TCF12: variants seen among roughly 807,000 people sequenced by gnomAD.
TCF12 encodes the protein DNA-binding protein HTF4.
In TCF12, 45 loss-of-function variants were observed where a neutral mutation model predicts 86.0. That is an observed-to-expected ratio of 0.52 (90% CI 0.41 to 0.67). The LOEUF is 0.67. TCF12 is among the 30% of genes least tolerant of loss of function. The pLI is 0.00. For missense variants in TCF12, 881 were observed against 859.9 expected, an observed-to-expected ratio of 1.02 and a Z score of -0.31; for synonymous variants, 330 against 299.6, an observed-to-expected ratio of 1.10 and a Z score of -1.05.
chr15:56,958,540 C>T (rs898710318), intron 3 of TCF12, among the ~76,000 whole-genome samples: 2 of 151,916 alleles, frequency 1.3e-5, no homozygotes, highest in East Asian at 1.9e-4. Flanking sequence ...GCTTAAAAGC[C>T]GCATGTATCT....
intron 5 of TCF12, 105 bp from the exon 6 acceptor site, chr15:57,166,297 T>C: frequency 1.1e-6 from 1 of 911,504 alleles, no homozygotes; most frequent in Admixed American, 2.5e-5. Flanking sequence ...TAATTTGTTC[T>C]TTCTATTTTA....
chr15:57,277,939 C>G (rs1436311428), intron 19 of TCF12, among the ~76,000 whole-genome samples: 9 of 148,044 alleles, frequency 6.1e-5, no homozygotes, highest in Non-Finnish European at 1.2e-4. Context: ...GAACCTGTCT[C>G]AAAGAAAAAA....
intron 3 of TCF12, among the ~76,000 whole-genome samples, chr15:57,024,297 A>G (rs2065689380): frequency 7.1e-6 from 1 of 139,890 alleles, no homozygotes; most frequent in African/African-American, 2.6e-5. Flanking sequence ...ATCTCGGCTC[A>G]CTGCAGCTTC....
intron 5 of TCF12, among the ~76,000 whole-genome samples, chr15:57,093,021 C>T (rs113456692): frequency 2.6e-5 from 4 of 152,212 alleles, no homozygotes; most frequent in African/African-American, 9.6e-5. Context: ...TTGCCGAAGG[C>T]GGTTGACAGT....
intron 5 of TCF12, among the ~76,000 whole-genome samples, chr15:57,108,731 CTAA>C (rs1398789492): frequency 1.3e-5 from 2 of 151,938 alleles, no homozygotes; most frequent in Non-Finnish European, 2.9e-5. Context: ...TGTCAGTGAG[CTAA>C]TTCATAACTT....
At chr15:57,024,972 A>T (rs1199402430) in intron 3 of TCF12, among the ~76,000 whole-genome samples, 2 of 152,174 alleles carry the variant, frequency 1.3e-5, no homozygotes, top group African/African-American at 2.4e-5. Context: ...TATTCATTGT[A>T]TTTTTAATCT....
At chr15:57,153,165 C>T (rs1484204941) in intron 5 of TCF12, among the ~76,000 whole-genome samples, 5 of 152,172 alleles carry the variant, frequency 3.3e-5, no homozygotes, top group African/African-American at 1.2e-4. Context: ...TCCCAGCAGA[C>T]TACAATAACT....
chr15:57,267,027 TA>T (rs1364374549), intron 18 of TCF12, among the ~76,000 whole-genome samples: 3 of 152,166 alleles, frequency 2.0e-5, no homozygotes, highest in Admixed American at 1.3e-4. Flanking sequence ...ATGCTGTCTC[TA>T]AAAAAAGACT....
At chr15:57,006,186 A>G (rs2435904) in intron 3 of TCF12, among the ~76,000 whole-genome samples, 1,901 of 152,330 alleles carry the variant, frequency 0.012, 41 homozygotes, top group African/African-American at 0.044. Context: ...ATTAAAAGGA[A>G]CCAGTGATGT....
At chr15:56,991,972 A>G (rs955928916) in intron 3 of TCF12, among the ~76,000 whole-genome samples, 1 of 152,022 alleles carries the variant, frequency 6.6e-6, no homozygotes, top group Non-Finnish European at 1.5e-5. Context: ...TTGATCTCCT[A>G]TGCCAGGCAC....
intron 4 of TCF12, among the ~76,000 whole-genome samples, chr15:57,078,433 A>C (rs1440180691): frequency 6.6e-6 from 1 of 152,108 alleles, no homozygotes; most frequent in African/African-American, 2.4e-5. Context: ...CCTCATGAAA[A>C]GGTTATTCAG....
Position 57,240,879 on chromosome 15 carries a change from CAAAAAAA to C in TCF12, c.1036-2577_1036-2571del, listed in dbSNP as rs68154303. On this transcript the variant is annotated intron_variant, in intron 12 of 20. Transcript: ENST00000333725. Reference sequence around the variant, plus strand: ...TGGGTGACAGAGCAAGACCCTGTCTCAAAAAAAAAAAAAAAAAAAAAAGAAAGGGAAA... The same window carrying C: ...TGGGTGACAGAGCAAGACCCTGTCTCAAAAAAAAAAAAAAAGAAAGGGAAA... Among the ~76,000 whole-genome samples the C allele has an allele frequency of 2.3e-3, 154 of 65,700 alleles. 1 individual carries two copies. Among genetic ancestry groups the C allele is most frequent in the Middle Eastern group, 0.012 (1 of 86 alleles). The allele number at this position is 65,700 out of a possible 152,430, so 43.1% of individuals were successfully genotyped here. A position where few individuals can be genotyped will look rare whatever the true frequency, so the allele number is the denominator to read the frequency against.
At chr15:56,937,663 T>C (rs2060528672) in intron 3 of TCF12, among the ~76,000 whole-genome samples, 2 of 152,138 alleles carry the variant, frequency 1.3e-5, no homozygotes. Flanking sequence ...CCCTGTTCAG[T>C]ATTATGTTGG....
At chr15:56,991,023 T>C (rs1252756168) in intron 3 of TCF12, among the ~76,000 whole-genome samples, 4 of 152,042 alleles carry the variant, frequency 2.6e-5, no homozygotes, top group African/African-American at 9.7e-5. Context: ...GTCAAACTCC[T>C]GGGCTTAATC....
intron 3 of TCF12, among the ~76,000 whole-genome samples, chr15:57,038,634 G>C (rs977036058): frequency 2.6e-5 from 4 of 151,896 alleles, no homozygotes; most frequent in African/African-American, 7.3e-5. Flanking sequence ...AATTAGGAGA[G>C]GATAATAAAA....
At position 57,158,190 on chromosome 15, in the gene TCF12, T is replaced by TTG. The variant is rs1316449647; in HGVS notation, c.326-8211_326-8210insGT. Among the ~76,000 whole-genome samples the TTG allele has an allele frequency of 5.5e-3, 825 of 150,006 alleles. 13 individuals carry two copies. The highest frequency in any genetic ancestry group is 8.2e-3 in the Non-Finnish European group (553 of 67,286). On this transcript the variant is annotated intron_variant, in intron 5 of 20. Transcript: ENST00000333725. ...GTTAAAGTCTCAGAAAGTCGTTTCT[T>TTG]TTTTTTTTTTTTCTTTGAGACAGTA... is the stretch of plus-strand genomic sequence containing the variant.
chr15:57,121,995 T>C lies in TCF12; in HGVS notation c.325+30104T>C, dbSNP rs1031099890. 1.4e-4 allele frequency among the ~76,000 whole-genome samples: 22 copies of C among 152,070 alleles called. 1 individual carries two copies. The highest frequency in any genetic ancestry group is 6.3e-3 in the Middle Eastern group (2 of 316). On this transcript the variant is annotated intron_variant, in intron 5 of 20. Transcript: ENST00000333725. Reference sequence around the variant, plus strand: ...GAGATTAGAATAAAATAGAGATTTTTATTTGTGTATTACATATTTAGCCAA... The same window carrying C: ...GAGATTAGAATAAAATAGAGATTTTCATTTGTGTATTACATATTTAGCCAA...
chr15:57,233,408 C>T (rs2059248919), intron 11 of TCF12, among the ~76,000 whole-genome samples: 1 of 152,010 alleles, frequency 6.6e-6, no homozygotes, highest in Non-Finnish European at 1.5e-5. Flanking sequence ...AAACTCCTGG[C>T]CTCTAGTGAT....
At chr15:57,242,631 G>T (rs924791079) in intron 12 of TCF12, among the ~76,000 whole-genome samples, 2 of 152,280 alleles carry the variant, frequency 1.3e-5, no homozygotes, top group South Asian at 4.2e-4. Flanking sequence ...TTGCGCCGTT[G>T]CACTCCAGCC....
Sources: allele counts gnomAD v4.1 joint callset (sites outside exome capture counted in the v4.1 genomes callset), GRCh38; gene constraint gnomAD v4.1.1; transcripts MANE v1.5; gene names NCBI Gene and HGNC (gene_info 2026-07-23, HGNC 2026-07-21).